The following FKBP1A variants were observed in gnomAD, a reference collection of about 807,000 sequenced individuals.
FKBP1A encodes FKBP prolyl isomerase 1A.
Under a neutral mutation model 14.2 loss-of-function variants are expected in FKBP1A, and 5 were observed. The observed-to-expected ratio is 0.35, with a 90% confidence interval of 0.18 to 0.74. FKBP1A has a LOEUF of 0.74. FKBP1A is among the 30% of genes least tolerant of loss of function. The pLI is 0.56. For synonymous variants in FKBP1A, 42 were observed against 49.1 expected (o/e 0.86, Z 0.60); for missense variants, 53 against 138.8 (o/e 0.38, Z 3.10).
chr20:1,382,913 C>CT (rs1332253581), intron 2 of FKBP1A, among the ~76,000 whole-genome samples: 1 of 152,220 alleles, frequency 6.6e-6, no homozygotes, highest in Non-Finnish European at 1.5e-5. Flanking sequence ...AGTCTCAAGT[C>CT]TGTCTACTCC....
chr20:1,373,547 G>T lies in FKBP1A; in HGVS notation c.199-1307C>A, dbSNP rs112341947. Reference sequence around the variant, plus strand: ...AAAATATGCTATGAAGAATTTAAAAGATATTTTATGTAGATCTCAAACTAC... The same window carrying T: ...AAAATATGCTATGAAGAATTTAAAATATATTTTATGTAGATCTCAAACTAC... On this transcript the variant is annotated intron_variant, in intron 3 of 4. Transcript: ENST00000400137. Among the ~76,000 whole-genome samples, 709 of 152,290 alleles carry T rather than the reference G, an allele frequency of 4.7e-3. 4 individuals carry two copies. The highest frequency in any genetic ancestry group is 0.016 in the African/African-American group (679 of 41,554).
chr20:1,376,895 T>C (rs1215626250), intron 2 of FKBP1A: 4 of 152,254 alleles, frequency 2.6e-5, no homozygotes, highest in African/African-American at 7.2e-5. Context: ...GCAATAGATA[T>C]CTGCAACTTC....
At chr20:1,384,114 T>TCA (rs2089646135) in intron 2 of FKBP1A, among the ~76,000 whole-genome samples, 1 of 152,336 alleles carries the variant, frequency 6.6e-6, no homozygotes, top group Admixed American at 6.5e-5. Context: ...AGTCTCTAGC[T>TCA]CATGATCACT....
chr20:1,372,343 TTGACTTTCCAG>T (rs1451555933), intron 3 of FKBP1A, 103 bp from the exon 4 acceptor site: 5 of 1,296,064 alleles, frequency 3.9e-6, no homozygotes, highest in Non-Finnish European at 4.3e-6. Context: ...CAGGATGGTA[TTGACTTTCCAG>T]TGACTTTGCA....
chr20:1,375,980 T>A (rs1328073275), intron 2 of FKBP1A, among the ~76,000 whole-genome samples: 1 of 152,196 alleles, frequency 6.6e-6, no homozygotes. Flanking sequence ...ACACTATGTC[T>A]AGAAGTCACA....
chr20:1,376,705 T>C (rs2089548866), intron 2 of FKBP1A: 2 of 152,202 alleles, frequency 1.3e-5, no homozygotes, highest in African/African-American at 4.8e-5. Context: ...TAAAATTTAC[T>C]ATTATAAAAA....
intron 2 of FKBP1A, among the ~76,000 whole-genome samples, chr20:1,390,350 G>T (rs995367497): frequency 7.1e-6 from 1 of 141,322 alleles, no homozygotes; most frequent in Non-Finnish European, 1.6e-5. Context: ...TGGCCATGGG[G>T]AGGGGGGAGG....
At position 1,372,211 on chromosome 20, in the gene FKBP1A, A is replaced by T; in HGVS notation, c.228T>A (p.Thr76=). The T allele has an allele frequency of 2.5e-6, 4 of 1,613,872 alleles. No homozygotes were observed. The highest frequency in any genetic ancestry group is 3.4e-6 in the Non-Finnish European group (4 of 1,179,810). Residue 76 remains threonine, a synonymous_variant, in exon 4 of 5, where the codon ACT becomes ACA. Transcript: ENST00000400137. ...CACCATAGGCATAATCTGGAGATAT[A>T]GTCAGTTTGGCTCTCTGACCCACAC... ...QMSVGQRAKL[T]ISPDYAYGAT...
intron 2 of FKBP1A, among the ~76,000 whole-genome samples, chr20:1,381,946 G>A (rs6109707): frequency 0.013 from 2,019 of 152,266 alleles, 41 homozygotes; most frequent in African/African-American, 0.045. Flanking sequence ...GGGAAACAAT[G>A]ACACATCAAA....
In FKBP1A at chr20:1,386,204, C is replaced by T. The variant is rs1012247823; in HGVS notation, c.85+6630G>A. Among the ~76,000 whole-genome samples the T allele has an allele frequency of 1.8e-4, 27 of 152,302 alleles. 1 individual carries two copies. Among genetic ancestry groups the T allele is most frequent in the Non-Finnish European group, 3.7e-4 (25 of 68,026 alleles). ...TCCTGCCTGACTGCACCATACACAC[C>T]CAAGACCAAATGGCACTTCCTCCAA... On this transcript the variant is annotated intron_variant, in intron 2 of 4. Transcript: ENST00000400137. This position sits in a 1 kb window ranked among gnomAD's most constrained non-coding sequence, Gnocchi z 4.7.
chr20:1,375,884 G>A (rs1600328287), intron 2 of FKBP1A, among the ~76,000 whole-genome samples: 1 of 152,126 alleles, frequency 6.6e-6, no homozygotes, highest in African/African-American at 2.4e-5. Context: ...TGGAGATGGG[G>A]AGTATAAACT....
At chr20:1,370,582 T>C in intron 4 of FKBP1A, 1 of 985,368 alleles carries the variant, frequency 1.0e-6, no homozygotes, top group South Asian at 4.7e-5. Context: ...ACTGGGAAAA[T>C]ATCTCCAGTA....
chr20:1,384,443 G>A (rs1288861653), intron 2 of FKBP1A, among the ~76,000 whole-genome samples: 1 of 152,058 alleles, frequency 6.6e-6, no homozygotes, highest in Non-Finnish European at 1.5e-5. Flanking sequence ...CTTTAAAAAA[G>A]GTCAAATTGG....
chr20:1,392,650 G>A (rs1320487812), intron 2 of FKBP1A, among the ~76,000 whole-genome samples, 184 bp downstream of exon 2: 1 of 152,028 alleles, frequency 6.6e-6, no homozygotes, highest in African/African-American at 2.4e-5. Context: ...ATTCAGACCC[G>A]CCCGGGTTCC....
In FKBP1A at chr20:1,386,437, C is replaced by T. The variant is rs2089669693; in HGVS notation, c.85+6397G>A. ...CTCTATGCCAAGACTGATGGGGAGACCTTGGAGAACAACACTAGTGTGGGT... is the reference window on the plus strand; with the variant it reads ...CTCTATGCCAAGACTGATGGGGAGATCTTGGAGAACAACACTAGTGTGGGT... On this transcript the variant is annotated intron_variant, in intron 2 of 4. Coordinates refer to ENST00000400137, the MANE Select transcript of FKBP1A (RefSeq NM_000801.5). This position sits in a 1 kb window ranked among gnomAD's most constrained non-coding sequence, Gnocchi z 4.7. Among the ~76,000 whole-genome samples the T allele has an allele frequency of 6.6e-6, 1 of 152,218 alleles. No homozygotes were observed. Among genetic ancestry groups the T allele is most frequent in the Non-Finnish European group, 1.5e-5 (1 of 68,044 alleles).
At chr20:1,380,521 C>T (rs1447145246) in intron 2 of FKBP1A, among the ~76,000 whole-genome samples, 2 of 152,164 alleles carry the variant, frequency 1.3e-5, no homozygotes, top group East Asian at 3.8e-4. Flanking sequence ...GGGCAGAATA[C>T]TCAGGAAGAT....
At chr20:1,387,483 A>G (rs1294688) in intron 2 of FKBP1A, among the ~76,000 whole-genome samples, 21,323 of 152,212 alleles carry the variant, frequency 0.14, 1,758 homozygotes, top group Non-Finnish European at 0.19. Context: ...ATAGAGGGGG[A>G]AAAAGTCACT....
intron 2 of FKBP1A, among the ~76,000 whole-genome samples, chr20:1,382,365 TC>T (rs2089626880): frequency 6.6e-6 from 1 of 152,190 alleles, no homozygotes; most frequent in African/African-American, 2.4e-5. Flanking sequence ...GCATAAAACA[TC>T]ACAAGCATTG....
rs187106305 is a variant in FKBP1A at position 1,369,638 on chromosome 20, G to A, written c.*471C>T. 1.2e-5 allele frequency: 2 copies of A among 170,416 alleles called. No homozygotes were observed. The highest frequency in any genetic ancestry group is 3.7e-4 in the East Asian group (2 of 5,340). The allele number at this position is 170,416 out of a possible 1,614,324, so 10.6% of individuals were successfully genotyped here. On this transcript the variant is annotated 3_prime_UTR_variant, in exon 5 of 5. Coordinates refer to ENST00000400137, the MANE Select transcript of FKBP1A (RefSeq NM_000801.5). The stretch of plus-strand genomic sequence containing the variant: ...CTCAACAGCGCCTCAAATCTGCTAT[G>A]GCTTTGCAGCGCAGCAGCAAGAATG...
Sources: gnomAD v4.1 joint callset for allele counts (sites outside exome capture counted in the v4.1 genomes callset) on GRCh38, gnomAD v4.1.1 for gene constraint, Gnocchi (gnomAD v3.1) non-coding constraint, MANE v1.5 for transcripts, NCBI Gene and HGNC (gene_info 2026-07-23, HGNC 2026-07-21) for gene names.